CEP192: variants seen among roughly 807,000 people sequenced by gnomAD.
CEP192 encodes centrosomal protein of 192 kDa.
A neutral mutation model predicts 271.8 loss-of-function variants in CEP192; 151 were observed. That is an observed-to-expected ratio of 0.56 (90% confidence interval 0.49 to 0.64). The LOEUF (loss-of-function observed/expected upper bound fraction) is 0.64, where lower values mean the gene tolerates loss of function less well. CEP192 is among the 30% of genes least tolerant of loss of function. The pLI is 0.00. For synonymous variants in CEP192, 995 were observed against 1,076.5 expected (o/e 0.92, Z 1.48); for missense variants, 2,910 against 3,020.5 (o/e 0.96, Z 0.86).
Position 13,049,696 on chromosome 18 carries a change from C to T in CEP192, c.2890+15C>T, listed in dbSNP as rs376864238. The T allele has an allele frequency of 8.2e-5, 131 of 1,602,750 alleles. No homozygotes were observed. Among genetic ancestry groups the T allele is most frequent in the Non-Finnish European group, 1.0e-4 (120 of 1,174,014 alleles). On this transcript the variant is annotated intron_variant, in intron 16 of 44. Coordinates refer to ENST00000506447, the MANE Select transcript of CEP192 (RefSeq NM_032142.4). ...TAAAAATAGTGGTAAGTGTCTGAGT[C>T]GTTGGTCACATTCATAAAATTACAA...
In CEP192 at chr18:13,071,205, A is replaced by T; in HGVS notation, c.5341A>T (p.Arg1781Ter). Residue 1781 changes from arginine to a stop codon, truncating the protein, a stop_gained, in exon 28 of 45, where the codon AGA becomes TGA. Transcript: ENST00000506447. LOFTEE classifies it high-confidence loss of function. ...GGCTTGGGGAGGAGTCCCTCTAGGTAGAACACAGTAAGTGTCAAAGACTGA... is the reference window on the plus strand; with the variant it reads ...GGCTTGGGGAGGAGTCCCTCTAGGTTGAACACAGTAAGTGTCAAAGACTGA... ...FLAWGGVPLG[R>*]TQLQKLALRN... 1 of 1,613,202 alleles carries T rather than the reference A, an allele frequency of 6.2e-7. No individual in the cohort carries two copies. The highest frequency in any genetic ancestry group is 8.5e-7 in the Non-Finnish European group (1 of 1,179,328).
At chr18:13,034,795 G>C (rs527966462) in intron 11 of CEP192, among the ~76,000 whole-genome samples, 50 of 149,308 alleles carry the variant, frequency 3.3e-4, no homozygotes, top group Non-Finnish European at 4.6e-4. Flanking sequence ...CTCCAGACTA[G>C]GCGACAGAGC....
At chr18:13,113,221 G>C (rs1347306542) in intron 40 of CEP192, among the ~76,000 whole-genome samples, 1 of 152,244 alleles carries the variant, frequency 6.6e-6, no homozygotes, top group Non-Finnish European at 1.5e-5. Flanking sequence ...TGCTTGGCCA[G>C]CAGAGGGTTC....
intron 6 of CEP192, among the ~76,000 whole-genome samples, chr18:13,016,006 A>C (rs2034624499): frequency 6.6e-6 from 1 of 152,158 alleles, no homozygotes; most frequent in African/African-American, 2.4e-5. Context: ...TCGGCCTCCC[A>C]AAGTGTTGGG....
intron 21 of CEP192, among the ~76,000 whole-genome samples, chr18:13,065,216 A>C (rs2037630260): frequency 6.6e-6 from 1 of 152,080 alleles, no homozygotes; most frequent in African/African-American, 2.4e-5. Flanking sequence ...TAATAACAAT[A>C]CATATACCAT....
intron 4 of CEP192, among the ~76,000 whole-genome samples, chr18:13,012,316 C>A (rs2034408821): frequency 6.6e-6 from 1 of 152,136 alleles, no homozygotes; most frequent in Non-Finnish European, 1.5e-5. Flanking sequence ...ATTAAAAAAA[C>A]TTCCCATGTA....
intron 1 of CEP192, among the ~76,000 whole-genome samples, chr18:12,992,840 G>C (rs2032960645): frequency 6.6e-6 from 1 of 152,124 alleles, no homozygotes; most frequent in African/African-American, 2.4e-5. Flanking sequence ...TGCATTCTTG[G>C]TGCCAAGTAG....
rs755211322 is a variant in CEP192, at chr18:13,117,609, C to T, written c.7441C>T (p.Pro2481Ser). ...GCTGAAGTTTTTGAGTCCCAGAGAG[C>T]CATTCTATGTCAAACATTCCAAGTA... The part of the protein sequence containing the change: ...HSLKFLSPRE[P>S]FYVKHSKYSL... The change falls in exon 44 of 45, where the codon CCA (proline) becomes TCA (serine). Residue 2481 changes from proline (P) to serine (S), a missense_variant. By Grantham distance (74) the Pro-to-Ser change is moderately conservative (BLOSUM62 -1). Transcript: ENST00000506447. The T allele has an allele frequency of 1.9e-6, 3 of 1,612,212 alleles. No homozygotes were observed. Among genetic ancestry groups the T allele is most frequent in the Non-Finnish European group, 2.5e-6 (3 of 1,178,546 alleles).
chr18:13,049,541 C>T lies in CEP192; in HGVS notation c.2750C>T (p.Ser917Phe), dbSNP rs771743150. The T allele has an allele frequency of 1.0e-4, 169 of 1,613,814 alleles. No homozygotes were observed. In the Admixed American group the frequency reaches 2.8e-3, roughly 27 times the overall value. Reference sequence around the variant, plus strand: ...TCAGTGAGGAACCCCAGAATAACATCCCTTTGTCTGTTAAAAGACTGTGAA... The same window carrying T: ...TCAGTGAGGAACCCCAGAATAACATTCCTTTGTCTGTTAAAAGACTGTGAA... ...YSSVRNPRIT[S>F]LCLLKDCEEI... The change falls in exon 16 of 45, where the codon TCC becomes TTC. Residue 917 changes from serine to phenylalanine, a missense_variant. Physicochemically the swap from Ser to Phe is radical, Grantham distance 155 (BLOSUM62 -2). Transcript: ENST00000506447.
chr18:13,033,837 G>A (rs2143637784), intron 11 of CEP192, among the ~76,000 whole-genome samples: 1 of 152,342 alleles, frequency 6.6e-6, no homozygotes, highest in South Asian at 2.1e-4. Flanking sequence ...AGAAAGGTAG[G>A]AGAGGGGAGG....
chr18:13,110,071 C>T (rs577764668), intron 40 of CEP192, among the ~76,000 whole-genome samples: 17 of 152,072 alleles, frequency 1.1e-4, no homozygotes, highest in African/African-American at 1.9e-4. Flanking sequence ...CCCTGCCCTG[C>T]AAAAAAATTG....
rs775215598 is a variant in CEP192 at position 13,049,398 on chromosome 18, TAGAG to T, written c.2611_2614del (p.Glu871IlefsTer5). 3.3e-5 allele frequency: 54 copies of T among 1,613,946 alleles called. No homozygotes were observed. Among genetic ancestry groups the T allele is most frequent in the Non-Finnish European group, 3.9e-5 (46 of 1,180,000 alleles). ...TAAACTCCTCAAATTCAGTTACAAATAGAGAGAATAACAGTGCAGTAGTTGATGT... is the reference window on the plus strand; with the variant it reads ...TAAACTCCTCAAATTCAGTTACAAATAGAATAACAGTGCAGTAGTTGATGT... On this transcript the variant is annotated frameshift_variant, in exon 16 of 45. Transcript: ENST00000506447. LOFTEE classifies it high-confidence loss of function.
chr18:13,042,636 G>A (rs1453148124), intron 15 of CEP192, among the ~76,000 whole-genome samples: 1 of 152,090 alleles, frequency 6.6e-6, no homozygotes, highest in Non-Finnish European at 1.5e-5. Context: ...AAGTTTTTTT[G>A]CCGCCTCCAG....
At position 13,113,209 on chromosome 18, in the gene CEP192, A is replaced by G. The variant is rs114947609; in HGVS notation, c.7048-377A>G. ...GCCGCTGTGAGGCCCTTGTCCTGGT[A>G]CTGCTTGGCCAGCAGAGGGTTCCAT... On this transcript the variant is annotated intron_variant, in intron 40 of 44. Transcript: ENST00000506447. Among the ~76,000 whole-genome samples, 1,125 of 152,272 alleles carry G rather than the reference A, an allele frequency of 7.4e-3. 12 individuals are homozygous for G. The highest frequency in any genetic ancestry group is 0.025 in the African/African-American group (1,055 of 41,528).
intron 36 of CEP192, among the ~76,000 whole-genome samples, chr18:13,098,598 T>C (rs8086346): frequency 0.71 from 105,680 of 149,382 alleles, 38,304 homozygotes; most frequent in African/African-American, 0.89. Flanking sequence ...CGGGCAGAGA[T>C]GCTCCTCACT....
chr18:13,050,280 T>C (rs113846612), intron 17 of CEP192, among the ~76,000 whole-genome samples: 1 of 152,238 alleles, frequency 6.6e-6, no homozygotes, highest in Non-Finnish European at 1.5e-5. Flanking sequence ...AGATCTTTAA[T>C]ATGTTTATTG....
At chr18:13,045,972 CT>C (rs1427967919) in intron 15 of CEP192, among the ~76,000 whole-genome samples, 1 of 152,150 alleles carries the variant, frequency 6.6e-6, no homozygotes, top group African/African-American at 2.4e-5. Flanking sequence ...TTGGATTTTG[CT>C]TTTCAACCAG....
intron 40 of CEP192, among the ~76,000 whole-genome samples, chr18:13,107,958 A>G (rs1347548995): frequency 6.6e-6 from 1 of 152,092 alleles, no homozygotes; most frequent in African/African-American, 2.4e-5. Context: ...AGACATATAA[A>G]CCAATGGAAC....
intron 39 of CEP192, among the ~76,000 whole-genome samples, chr18:13,104,281 G>A (rs1032978737): frequency 3.9e-5 from 6 of 152,154 alleles, no homozygotes; most frequent in Non-Finnish European, 8.8e-5. Flanking sequence ...TGCAGGAAAC[G>A]GAGCTGAGCG....
Sources: allele counts gnomAD v4.1 joint callset (sites outside exome capture counted in the v4.1 genomes callset), GRCh38; gene constraint gnomAD v4.1.1; transcripts MANE v1.5; gene names NCBI Gene and HGNC (gene_info 2026-07-23, HGNC 2026-07-21).